Variants in TEX11 observed in about 807,000 individuals in gnomAD.
TEX11 encodes testis-expressed protein 11.
In TEX11, 7 loss-of-function variants were observed where a neutral mutation model predicts 84.4. That is an observed-to-expected ratio of 0.08 (90% CI 0.05 to 0.16). The LOEUF (loss-of-function observed/expected upper bound fraction) is 0.16. Among genes scored for constraint, TEX11 ranks in the 10% least tolerant of loss-of-function variants. TEX11 has a pLI of 1.00. For synonymous variants in TEX11, 264 were observed against 222.8 expected (o/e 1.18, Z -1.64); for missense variants, 551 against 660.5 (o/e 0.83, Z 1.82).
intron 28 of TEX11, among the ~76,000 whole-genome samples, chrX:70,541,619 A>G (rs1221819459): frequency 1.8e-5 from 2 of 111,267 alleles, no homozygotes; most frequent in Middle Eastern, 4.2e-3. Flanking sequence ...TTAGCCAGGC[A>G]TGGTGGCATT....
chrX:70,729,274 C>T (rs907251582), intron 11 of TEX11, among the ~76,000 whole-genome samples: 35 of 111,592 alleles, frequency 3.1e-4, no homozygotes, highest in Non-Finnish European at 4.2e-4. Flanking sequence ...TCCAAAGGAG[C>T]GCAGCTCCTT....
At chrX:70,830,387 G>A (rs1396129012) in intron 8 of TEX11, among the ~76,000 whole-genome samples, 1 of 111,648 alleles carries the variant, frequency 9.0e-6, no homozygotes, top group Non-Finnish European at 1.9e-5. Flanking sequence ...TAGAGGGAAA[G>A]AGAGAGATAG....
At chrX:70,518,793 T>G in the TEX11 span, among the ~76,000 whole-genome samples, 2 of 111,109 alleles carry the variant, frequency 1.8e-5, no homozygotes, top group Non-Finnish European at 3.8e-5. Context: ...GCTTTATGAA[T>G]CTGGGTGCTC....
chrX:70,568,905 A>T (rs1180458199), intron 25 of TEX11, among the ~76,000 whole-genome samples: 6 of 109,806 alleles, frequency 5.5e-5, no homozygotes, highest in Non-Finnish European at 1.1e-4. Context: ...CTTCTCGAGG[A>T]GTATCTTTGT....
intron 2 of TEX11, among the ~76,000 whole-genome samples, chrX:70,882,622 A>G (rs751590617): frequency 9.0e-6 from 1 of 110,933 alleles, no homozygotes; most frequent in Non-Finnish European, 1.9e-5. Context: ...CTCCATAAAA[A>G]ACTTAAAAAT....
At chrX:70,737,694 A>C (rs1004769951) in intron 11 of TEX11, among the ~76,000 whole-genome samples, 1 of 107,632 alleles carries the variant, frequency 9.3e-6, no homozygotes, top group African/African-American at 3.4e-5. Flanking sequence ...CCCCCCCCCC[A>C]AAAAAAGCTG....
In TEX11 at chrX:70,529,052, C is replaced by T; in HGVS notation, c.*43G>A. ...CTCTGGCAAAAATTTAAACAGTCAG[C>T]ATCTCGGGACAATGTATCTTCTTCA... On this transcript the variant is annotated 3_prime_UTR_variant, in exon 30 of 30. Coordinates refer to ENST00000374333, the MANE Select transcript of TEX11 (RefSeq NM_031276.3). 9.5e-7 allele frequency: 1 copy of T among 1,053,949 alleles called. No homozygotes were observed. Among genetic ancestry groups the T allele is most frequent in the Non-Finnish European group, 1.3e-6 (1 of 758,581 alleles). The allele number at this position is 1,053,949 out of a possible 1,213,427, so 86.9% of individuals were successfully genotyped here.
At chrX:70,804,706 T>C (rs1471857896) in intron 9 of TEX11, among the ~76,000 whole-genome samples, 1 of 111,646 alleles carries the variant, frequency 9.0e-6, no homozygotes, top group South Asian at 3.8e-4. Flanking sequence ...CGCTAAGATA[T>C]TCTAGTTTAT....
At chrX:70,749,810 T>C (rs1380236809) in intron 9 of TEX11, among the ~76,000 whole-genome samples, 2 of 109,407 alleles carry the variant, frequency 1.8e-5, no homozygotes, top group Non-Finnish European at 3.8e-5. Flanking sequence ...GATGTGCTGC[T>C]GGATTTGTTT....
At chrX:70,809,255 C>G (rs1448626590) in intron 8 of TEX11, among the ~76,000 whole-genome samples, 1 of 111,658 alleles carries the variant, frequency 9.0e-6, no homozygotes, top group Non-Finnish European at 1.9e-5. Flanking sequence ...ACATGAAATA[C>G]TAAGTAGTCA....
intron 17 of TEX11, among the ~76,000 whole-genome samples, chrX:70,641,375 C>T (rs1163636926): frequency 9.0e-6 from 1 of 110,673 alleles, no homozygotes; most frequent in African/African-American, 3.3e-5. Context: ...AGAAAGTCAA[C>T]AAGGATACCC....
intron 20 of TEX11, among the ~76,000 whole-genome samples, chrX:70,619,048 A>G (rs1175096743): frequency 9.0e-6 from 1 of 111,217 alleles, no homozygotes; most frequent in Non-Finnish European, 1.9e-5. Flanking sequence ...GAAGGATGCT[A>G]GTATGACTGC....
Position 70,686,728 on chromosome X carries a change from T to G in TEX11, c.1005-3903A>C, listed in dbSNP as rs887856070. Among the ~76,000 whole-genome samples, 8 of 110,023 alleles carry G rather than the reference T, an allele frequency of 7.3e-5. No individual in the cohort carries two copies. The East Asian group carries it at 2.0e-3, about 27-fold the overall frequency. The stretch of plus-strand genomic sequence containing the variant: ...AAAAAAAAAATACAGAATGCCCCAG[T>G]AAAATTAGAATTTCAGATAAACAAA... On this transcript the variant is annotated intron_variant, in intron 13 of 29. Transcript: ENST00000374333.
rs1163341158 is a variant in TEX11, at chrX:70,733,750, T to C, written c.843+6951A>G. Among the ~76,000 whole-genome samples, 3 of 111,699 alleles carry C rather than the reference T, an allele frequency of 2.7e-5. No homozygotes were observed. The East Asian group carries it at 8.4e-4, about 31-fold the overall frequency. ...CCATTGTGGAAGTCAGTGTGGCGAT[T>C]CCTCAGGGATCTAGAACTAGAAATA... is the stretch of plus-strand genomic sequence containing the variant. On this transcript the variant is annotated intron_variant, in intron 11 of 29. Transcript: ENST00000374333.
intron 26 of TEX11, 74 bp downstream of exon 26, chrX:70,554,577 G>A (rs2088262022): frequency 1.0e-6 from 1 of 1,003,291 alleles, no homozygotes; most frequent in African/African-American, 2.0e-5. Context: ...TAAGAAAGAA[G>A]AGTAAAGAGA....
At chrX:70,664,440 A>G (rs2089959122) in intron 16 of TEX11, among the ~76,000 whole-genome samples, 1 of 111,524 alleles carries the variant, frequency 9.0e-6, no homozygotes, top group Admixed American at 9.5e-5. Context: ...TCTATCTTCT[A>G]ACAAATCAGT....
Position 70,610,526 on chromosome X carries a change from C to T in TEX11, c.1769G>A (p.Arg590Gln), listed in dbSNP as rs2089248563. The change falls in exon 21 of 30, where the codon CGA becomes CAA. Residue 590 changes from arginine to glutamine, a missense_variant. By Grantham distance (43) the Arg-to-Gln change is conservative. Coordinates refer to ENST00000374333, the MANE Select transcript of TEX11 (RefSeq NM_031276.3). ...ESEDKKKEMD[R>Q]LLTCLNRAFV... ...ACCTCTATTCAGGCAAGTCAAAAGT[C>T]GATCCATTTCTTTCTTCCTAAAAAT... 1.7e-6 allele frequency: 2 copies of T among 1,206,940 alleles called. No individual in the cohort carries two copies. The highest frequency in any genetic ancestry group is 2.2e-6 in the Non-Finnish European group (2 of 892,889).
chrX:70,891,086 C>A (rs2091735540), intron 2 of TEX11, among the ~76,000 whole-genome samples: 1 of 112,313 alleles, frequency 8.9e-6, no homozygotes, highest in Non-Finnish European at 1.9e-5. Context: ...CCCAGGCAAA[C>A]AGGGTCTGGA....
At chrX:70,620,829 G>A (rs780018756) in intron 20 of TEX11, among the ~76,000 whole-genome samples, 3 of 112,008 alleles carry the variant, frequency 2.7e-5, no homozygotes, top group African/African-American at 9.7e-5. Flanking sequence ...TGAAAGAAGC[G>A]AATGTGAAAA....
Sources: allele counts gnomAD v4.1 joint callset (sites outside exome capture counted in the v4.1 genomes callset), GRCh38; gene constraint gnomAD v4.1.1; transcripts MANE v1.5; gene names NCBI Gene and HGNC (gene_info 2026-07-23, HGNC 2026-07-21).